Variants in CRB1 observed in about 807,000 individuals in gnomAD.
The protein encoded by CRB1 is crumbs cell polarity complex component 1.
A neutral mutation model predicts 120.0 loss-of-function variants in CRB1; 83 were observed. The observed-to-expected ratio is 0.69, with a 90% confidence interval of 0.58 to 0.83. The LOEUF (loss-of-function observed/expected upper bound fraction) is 0.83. CRB1 is among the 40% of genes least tolerant of loss of function. The probability of loss-of-function intolerance (pLI) is 0.00; values close to 1 mark genes in which losing one functional copy is unlikely to be tolerated. For synonymous variants in CRB1, 625 were observed against 612.5 expected, an observed-to-expected ratio of 1.02 and a Z score of -0.30; for missense variants, 1,699 against 1,687.6, an observed-to-expected ratio of 1.01 and a Z score of -0.12.
chr1:197,336,355 A>G (rs2125316149), intron 2 of CRB1, among the ~76,000 whole-genome samples: 1 of 152,348 alleles, frequency 6.6e-6, no homozygotes, highest in Admixed American at 6.5e-5. Context: ...TCTGTGGCAA[A>G]TAATATAGAT....
At chr1:197,418,934 T>C (rs1381521516) in intron 5 of CRB1, among the ~76,000 whole-genome samples, 2 of 152,192 alleles carry the variant, frequency 1.3e-5, no homozygotes, top group African/African-American at 2.4e-5. Context: ...GCCCACACTT[T>C]CTAAATAGTC....
intron 5 of CRB1, among the ~76,000 whole-genome samples, chr1:197,415,066 A>C (rs1022766829): frequency 6.6e-6 from 1 of 152,216 alleles, no homozygotes; most frequent in Non-Finnish European, 1.5e-5. Context: ...AGAAACACAT[A>C]ATCAAATTAT....
At chr1:197,301,941 G>A (rs1656887667) in intron 1 of CRB1, among the ~76,000 whole-genome samples, 3 of 151,974 alleles carry the variant, frequency 2.0e-5, no homozygotes, top group South Asian at 4.2e-4. Context: ...GAACACTGTC[G>A]AAATAGCAAC....
chr1:197,336,065 A>G (rs1193568923), intron 2 of CRB1, among the ~76,000 whole-genome samples: 1 of 152,206 alleles, frequency 6.6e-6, no homozygotes, highest in African/African-American at 2.4e-5. Flanking sequence ...ACTGCAACAT[A>G]TTTTACCTCC....
chr1:197,301,139 T>C lies in CRB1; in HGVS notation c.71-27283T>C, dbSNP rs149641548. 5.3e-5 allele frequency among the ~76,000 whole-genome samples: 8 copies of C among 152,038 alleles called. No individual in the cohort carries two copies. The East Asian group carries it at 1.6e-3, about 29-fold the overall frequency. On this transcript the variant is annotated intron_variant, in intron 1 of 11. Transcript: ENST00000367400. The stretch of plus-strand genomic sequence containing the variant: ...TGAATGTTTTTATCCAGCCCATCTA[T>C]GAATCAGGGAGTAATTTCAGCTTTC...
chr1:197,399,335 G>C (rs1662940865), intron 5 of CRB1, among the ~76,000 whole-genome samples: 1 of 152,110 alleles, frequency 6.6e-6, no homozygotes, highest in Non-Finnish European at 1.5e-5. Context: ...TTCATCTGTG[G>C]AACATGAGTG....
intron 1 of CRB1, among the ~76,000 whole-genome samples, chr1:197,274,709 T>A (rs908843526): frequency 1.3e-5 from 2 of 152,160 alleles, no homozygotes; most frequent in African/African-American, 4.8e-5. Context: ...ACGAGCTTCT[T>A]TCACACAGCA....
chr1:197,472,271 A>G (rs1667014786), intron 11 of CRB1, among the ~76,000 whole-genome samples: 1 of 152,230 alleles, frequency 6.6e-6, no homozygotes, highest in Non-Finnish European at 1.5e-5. Flanking sequence ...GAATTCCAGG[A>G]AAGACTTGAA....
chr1:197,339,047 G>A (rs1377700894), intron 2 of CRB1, among the ~76,000 whole-genome samples: 1 of 152,202 alleles, frequency 6.6e-6, no homozygotes, highest in Non-Finnish European at 1.5e-5. Flanking sequence ...TCTGCTTTAA[G>A]TGAATGATTC....
the CRB1 span, among the ~76,000 whole-genome samples, chr1:197,218,707 G>T: frequency 6.6e-6 from 1 of 152,154 alleles, no homozygotes; most frequent in African/African-American, 2.4e-5. Flanking sequence ...CATGATACAG[G>T]CAGACACATG....
At chr1:197,419,964 G>C (rs946966272) in intron 5 of CRB1, among the ~76,000 whole-genome samples, 16 of 144,386 alleles carry the variant, frequency 1.1e-4, no homozygotes, top group African/African-American at 3.8e-4. Flanking sequence ...CTGGGCGACA[G>C]AGCGAGACAC....
At chr1:197,274,722 A>G (rs1288853897) in intron 1 of CRB1, among the ~76,000 whole-genome samples, 1 of 152,122 alleles carries the variant, frequency 6.6e-6, no homozygotes, top group Non-Finnish European at 1.5e-5. Flanking sequence ...ACACAGCAAT[A>G]TTTATTTAAG....
the CRB1 span, among the ~76,000 whole-genome samples, chr1:197,242,853 T>C: frequency 2.6e-5 from 4 of 152,056 alleles, no homozygotes; most frequent in Non-Finnish European, 5.9e-5. Context: ...ATTTCAGAAA[T>C]TGTTATTGGT....
chr1:197,315,786 A>T (rs961406774), intron 1 of CRB1, among the ~76,000 whole-genome samples: 1 of 152,218 alleles, frequency 6.6e-6, no homozygotes, highest in Non-Finnish European at 1.5e-5. Flanking sequence ...GACTAGATGC[A>T]TTTTTATTTT....
chr1:197,383,860 G>A (rs940610117), intron 5 of CRB1, among the ~76,000 whole-genome samples: 1 of 152,114 alleles, frequency 6.6e-6, no homozygotes, highest in Non-Finnish European at 1.5e-5. Context: ...ACTACCACAA[G>A]TCCTTTGGGC....
At chr1:197,292,907 A>G (rs764285094) in intron 1 of CRB1, among the ~76,000 whole-genome samples, 9 of 152,106 alleles carry the variant, frequency 5.9e-5, no homozygotes, top group Non-Finnish European at 1.0e-4. Context: ...TTGATGGGAC[A>G]TATCTCAAAA....
At chr1:197,383,390 C>G (rs1042515433) in intron 5 of CRB1, among the ~76,000 whole-genome samples, 1 of 152,164 alleles carries the variant, frequency 6.6e-6, no homozygotes, top group Non-Finnish European at 1.5e-5. Flanking sequence ...CCATTCTCTG[C>G]CTCTTGCAAA....
chr1:197,344,614 A>T (rs1050181580), intron 3 of CRB1, 138 bp downstream of exon 3: 3 of 775,576 alleles, frequency 3.9e-6, no homozygotes, highest in East Asian at 2.6e-5. Context: ...TGATGAAAAC[A>T]TTCAGATTTC....
chr1:197,265,569 A>G (rs919652217), upstream of CRB1, among the ~76,000 whole-genome samples: 4 of 152,168 alleles, frequency 2.6e-5, no homozygotes, highest in Admixed American at 2.6e-4. Flanking sequence ...AAATATAGAC[A>G]TATATTTAAA....
Sources: gnomAD v4.1 joint callset for allele counts (sites outside exome capture counted in the v4.1 genomes callset) on GRCh38, gnomAD v4.1.1 for gene constraint, MANE v1.5 for transcripts, NCBI Gene and HGNC (gene_info 2026-07-23, HGNC 2026-07-21) for gene names.